Variants in STAU2 observed in about 807,000 individuals in gnomAD.
The protein encoded by STAU2 is double-stranded RNA-binding protein Staufen homolog 2.
STAU2 carries 20 observed loss-of-function variants against 65.9 expected under a neutral mutation model. That is an observed-to-expected ratio of 0.30 (90% CI 0.21 to 0.44). The LOEUF is 0.44. Ranked by LOEUF, STAU2 falls within the 20% of genes least tolerant of loss-of-function variation. The pLI, the probability that STAU2 is intolerant of heterozygous loss-of-function variation, is 1.00. For missense variants in STAU2, 558 were observed against 683.9 expected (o/e 0.82, Z 2.05); for synonymous variants, 232 against 233.9 (o/e 0.99, Z 0.07).
At chr8:73,507,666 A>G (rs918517459) in intron 13 of STAU2, among the ~76,000 whole-genome samples, 1 of 152,164 alleles carries the variant, frequency 6.6e-6, no homozygotes, top group African/African-American at 2.4e-5. Flanking sequence ...TGTCCTTTGA[A>G]GCTTTGAATT....
intron 12 of STAU2, among the ~76,000 whole-genome samples, chr8:73,573,402 C>T (rs971443573): frequency 2.0e-5 from 3 of 152,194 alleles, no homozygotes; most frequent in Admixed American, 6.5e-5. Context: ...GAAAAACCTA[C>T]GTTAAAGTTC....
At chr8:73,517,006 C>T (rs1044201499) in intron 13 of STAU2, among the ~76,000 whole-genome samples, 3 of 152,074 alleles carry the variant, frequency 2.0e-5, no homozygotes, top group African/African-American at 7.2e-5. Flanking sequence ...AATATTTCCC[C>T]AGTGATCTTC....
intron 13 of STAU2, among the ~76,000 whole-genome samples, chr8:73,518,926 T>C (rs1233230194): frequency 6.6e-6 from 1 of 152,216 alleles, no homozygotes; most frequent in Non-Finnish European, 1.5e-5. Flanking sequence ...GAGGACCATT[T>C]TGAAATATTT....
At chr8:73,744,712 G>A (rs957009566) in intron 1 of STAU2, among the ~76,000 whole-genome samples, 2 of 152,124 alleles carry the variant, frequency 1.3e-5, no homozygotes, top group East Asian at 1.9e-4. Context: ...CCAAGCTCAA[G>A]TATTTAGGAG....
At chr8:73,429,749 A>G (rs1461373384) in intron 13 of STAU2, among the ~76,000 whole-genome samples, 1 of 152,082 alleles carries the variant, frequency 6.6e-6, no homozygotes, top group Non-Finnish European at 1.5e-5. Context: ...CTCCAAATTT[A>G]AAGCCGCTCA....
chr8:73,682,486 A>G (rs1818501902), intron 5 of STAU2, among the ~76,000 whole-genome samples: 1 of 152,026 alleles, frequency 6.6e-6, no homozygotes, highest in African/African-American at 2.4e-5. Flanking sequence ...TGCTAAGAGC[A>G]AAGTTTACAG....
Position 73,613,755 on chromosome 8 carries a change from T to C in STAU2, c.880A>G (p.Thr294Ala). 6.2e-7 allele frequency: 1 copy of C among 1,609,730 alleles called. No individual in the cohort carries two copies. The highest frequency in any genetic ancestry group is 8.5e-7 in the Non-Finnish European group (1 of 1,179,144). ...PKLFFKKRPK[T>A]IVKAGPEYGQ... The stretch of plus-strand genomic sequence containing the variant: ...AAATATAAACTTACCTTTACTATTG[T>C]TTTAGGGCGTTTTTTAAAAAATAGT... The change falls in exon 9 of 15, where the codon ACA (threonine) becomes GCA (alanine). Residue 294 changes from threonine (T) to alanine (A), a missense_variant. By Grantham distance (58) the Thr-to-Ala change is moderately conservative. Around this residue, in one of 3 missense-constraint regions of STAU2, gnomAD observed 199 missense variants for 299.5 expected, o/e 0.66. Transcript: ENST00000524300.
At position 73,462,427 on chromosome 8, in the gene STAU2, G is replaced by A. The variant is rs113408789; in HGVS notation, c.1531-39725C>T. On this transcript the variant is annotated intron_variant, in intron 13 of 14. Transcript: ENST00000524300. ...TATTTTATTTTTTTGACAGGGTCTC[G>A]CTCTGTCACCCAGGCTGGACTTTAG... 4.7e-5 allele frequency among the ~76,000 whole-genome samples: 7 copies of A among 148,792 alleles called. No homozygotes were observed. The East Asian group carries it at 6.1e-4, about 13-fold the overall frequency.
intron 13 of STAU2, chr8:73,527,876 A>G (rs1805545813): frequency 1.7e-6 from 2 of 1,202,440 alleles, no homozygotes; most frequent in Non-Finnish European, 2.4e-6. Flanking sequence ...GTCCTTTTGC[A>G]AAGGGTCTAG....
chr8:73,713,644 A>AT, intron 3 of STAU2, among the ~76,000 whole-genome samples: 1 of 152,122 alleles, frequency 6.6e-6, no homozygotes, highest in Non-Finnish European at 1.5e-5. Flanking sequence ...ATAAAACAAC[A>AT]TAACTTTCTG....
intron 11 of STAU2, among the ~76,000 whole-genome samples, chr8:73,591,643 GAC>G (rs1310290802): frequency 6.6e-6 from 1 of 151,832 alleles, no homozygotes; most frequent in Non-Finnish European, 1.5e-5. Context: ...AGTCAACAAA[GAC>G]ACAACACTAA....
chr8:73,534,073 A>G (rs2128934451), intron 13 of STAU2, among the ~76,000 whole-genome samples: 1 of 152,362 alleles, frequency 6.6e-6, no homozygotes, highest in Non-Finnish European at 1.5e-5. Flanking sequence ...TATGTGATAC[A>G]TAGCACAATC....
chr8:73,449,510 A>T (rs950726481), intron 13 of STAU2, among the ~76,000 whole-genome samples: 1 of 152,184 alleles, frequency 6.6e-6, no homozygotes, highest in African/African-American at 2.4e-5. Context: ...TTAGGGCTTC[A>T]ACGGATGAAT....
chr8:73,500,561 C>T (rs977421787), intron 13 of STAU2, among the ~76,000 whole-genome samples: 2 of 151,648 alleles, frequency 1.3e-5, no homozygotes, highest in Admixed American at 6.6e-5. Context: ...ATATTGTTGG[C>T]CCTGTTTTTC....
intron 13 of STAU2, among the ~76,000 whole-genome samples, chr8:73,435,721 TC>T (rs1339321756): frequency 6.6e-6 from 1 of 152,000 alleles, no homozygotes. Context: ...GAGATCTCAA[TC>T]TTCTCTCATC....
intron 12 of STAU2, among the ~76,000 whole-genome samples, chr8:73,560,581 G>A (rs1808149210): frequency 6.6e-6 from 1 of 152,076 alleles, no homozygotes; most frequent in African/African-American, 2.4e-5. Flanking sequence ...TAAAATTACT[G>A]ACAAAGAACT....
chr8:73,610,625 A>G (rs1188253340), intron 9 of STAU2, among the ~76,000 whole-genome samples: 1 of 152,052 alleles, frequency 6.6e-6, no homozygotes, highest in Non-Finnish European at 1.5e-5. Context: ...ACCCTTGACA[A>G]TTAAGTTATT....
At chr8:73,459,683 C>G (rs184441029) in intron 13 of STAU2, among the ~76,000 whole-genome samples, 3 of 152,184 alleles carry the variant, frequency 2.0e-5, no homozygotes, top group Non-Finnish European at 4.4e-5. Context: ...AGCTCCGCCT[C>G]CACATATCGT....
chr8:73,730,464 C>G (rs886252658), intron 3 of STAU2, among the ~76,000 whole-genome samples: 2 of 152,126 alleles, frequency 1.3e-5, no homozygotes, highest in Non-Finnish European at 2.9e-5. Flanking sequence ...CAGTGGCTCA[C>G]GCCTATAATC....
Sources: gnomAD v4.1 joint callset for allele counts (sites outside exome capture counted in the v4.1 genomes callset) on GRCh38, gnomAD v4.1.1 for gene constraint, gnomAD v4.1.1 regional missense constraint, MANE v1.5 for transcripts, NCBI Gene and HGNC (gene_info 2026-07-23, HGNC 2026-07-21) for gene names.